The following SORCS1 variants were observed in gnomAD, a reference collection of about 807,000 sequenced individuals.
SORCS1 encodes VPS10 domain-containing receptor SorCS1.
Under a neutral mutation model 146.1 loss-of-function variants are expected in SORCS1, and 60 were observed. The observed-to-expected ratio is 0.41, with a 90% CI of 0.33 to 0.51. The LOEUF (loss-of-function observed/expected upper bound fraction) is 0.51, where lower values mean the gene tolerates loss of function less well. Ranked by LOEUF, SORCS1 falls within the 20% of genes least tolerant of loss-of-function variation. SORCS1 has a pLI of 0.21. For synonymous variants in SORCS1, 637 were observed against 584.0 expected (o/e 1.09, Z -1.31); for missense variants, 1,352 against 1,487.6 (o/e 0.91, Z 1.50).
intron 1 of SORCS1, among the ~76,000 whole-genome samples, chr10:107,032,310 T>C (rs77911234): frequency 6.6e-6 from 1 of 152,242 alleles, no homozygotes; most frequent in Admixed American, 6.5e-5. Flanking sequence ...AGGCATGGCA[T>C]GGATCAAAAG....
At chr10:107,009,499 AAATAG>A (rs1251244309) in intron 1 of SORCS1, among the ~76,000 whole-genome samples, 5 of 152,214 alleles carry the variant, frequency 3.3e-5, no homozygotes, top group South Asian at 2.1e-4. Flanking sequence ...TTTCTCCTTA[AAATAG>A]AATATAGTTT....
intron 3 of SORCS1, among the ~76,000 whole-genome samples, chr10:106,828,683 G>T (rs981932187): frequency 6.6e-6 from 1 of 152,046 alleles, no homozygotes; most frequent in Non-Finnish European, 1.5e-5. Context: ...CTTAACAATC[G>T]TATGTCAGAA....
rs1851992151 is a variant in SORCS1 at position 106,675,940 on chromosome 10, T to C, written c.1833-784A>G. ...AGTGGAACCCTCATCAGACACTGAA[T>C]CTGCCAGCATTTTGATACTGGACAT... On this transcript the variant is annotated intron_variant, in intron 13 of 25. Transcript: ENST00000263054. Among the ~76,000 whole-genome samples the C allele has an allele frequency of 2.0e-5, 3 of 152,202 alleles. No homozygotes were observed. The South Asian group carries it at 6.2e-4, about 32-fold the overall frequency.
At chr10:106,969,855 T>G (rs1337396089) in intron 1 of SORCS1, among the ~76,000 whole-genome samples, 1 of 152,184 alleles carries the variant, frequency 6.6e-6, no homozygotes, top group Admixed American at 6.5e-5. Flanking sequence ...TAAGCTTCAT[T>G]AGCTTCACTG....
At chr10:106,818,480 C>T (rs1394213407) in intron 3 of SORCS1, among the ~76,000 whole-genome samples, 2 of 151,954 alleles carry the variant, frequency 1.3e-5, no homozygotes, top group Non-Finnish European at 2.9e-5. Context: ...ATCCTCCTGC[C>T]TCAGCCTCCC....
intron 1 of SORCS1, among the ~76,000 whole-genome samples, chr10:107,090,391 T>C (rs1964100327): frequency 6.6e-6 from 1 of 152,204 alleles, no homozygotes. Flanking sequence ...TTTTGAGCAT[T>C]GTCCCTGTAG....
intron 24 of SORCS1, among the ~76,000 whole-genome samples, chr10:106,588,517 C>T (rs2133250937): frequency 6.6e-6 from 1 of 151,962 alleles, no homozygotes; most frequent in African/African-American, 2.4e-5. Flanking sequence ...TTGTTAAGAC[C>T]AGTGAAGAGG....
intron 1 of SORCS1, among the ~76,000 whole-genome samples, chr10:107,004,033 G>A (rs562316356): frequency 1.3e-5 from 2 of 152,126 alleles, no homozygotes; most frequent in South Asian, 2.1e-4. Context: ...AAATTAGCCA[G>A]GCGTGGTGGC....
chr10:106,627,075 T>C (rs926897094), intron 19 of SORCS1, among the ~76,000 whole-genome samples: 1 of 152,224 alleles, frequency 6.6e-6, no homozygotes, highest in Non-Finnish European at 1.5e-5. Flanking sequence ...TCCGCAGCCC[T>C]TAATCTTAAG....
intron 23 of SORCS1, among the ~76,000 whole-genome samples, chr10:106,604,937 T>TAACCCAGCCC: frequency 2.0e-5 from 3 of 152,274 alleles, no homozygotes; most frequent in Admixed American, 6.5e-5. Flanking sequence ...AGTGTGACTT[T>TAACCCAGCCC]GGCTCAATTA....
intron 3 of SORCS1, among the ~76,000 whole-genome samples, chr10:106,786,452 T>G (rs1946058287): frequency 6.6e-6 from 1 of 152,164 alleles, no homozygotes; most frequent in Non-Finnish European, 1.5e-5. Flanking sequence ...TCATAATAGT[T>G]GAATTTCTTA....
intron 1 of SORCS1, among the ~76,000 whole-genome samples, chr10:107,059,010 A>C (rs1960913828): frequency 6.6e-6 from 1 of 152,234 alleles, no homozygotes; most frequent in Non-Finnish European, 1.5e-5. Context: ...TCACGTGCTA[A>C]AACTCTTCCC....
intron 2 of SORCS1, among the ~76,000 whole-genome samples, chr10:106,866,856 T>C (rs1950237656): frequency 6.6e-6 from 1 of 151,848 alleles, no homozygotes; most frequent in African/African-American, 2.4e-5. Context: ...TGACTGTACT[T>C]AATCTACACT....
At chr10:107,105,919 A>G (rs984228364) in intron 1 of SORCS1, among the ~76,000 whole-genome samples, 1 of 152,206 alleles carries the variant, frequency 6.6e-6, no homozygotes, top group African/African-American at 2.4e-5. Flanking sequence ...ATCAGGAAGG[A>G]AAGGGTAATT....
chr10:107,094,175 G>A (rs1008029669), intron 1 of SORCS1, among the ~76,000 whole-genome samples: 6 of 151,794 alleles, frequency 4.0e-5, no homozygotes, highest in South Asian at 2.1e-4. Flanking sequence ...ATCTATGAAG[G>A]CAAACATTTT....
At chr10:106,722,120 T>TACAC (rs140882766) in intron 6 of SORCS1, among the ~76,000 whole-genome samples, 1,588 of 144,300 alleles carry the variant, frequency 0.011, 16 homozygotes, top group East Asian at 0.017. Flanking sequence ...AATATATAAA[T>TACAC]ACACACACAC....
intron 3 of SORCS1, among the ~76,000 whole-genome samples, chr10:106,780,991 T>A (rs1462371918): frequency 1.3e-5 from 2 of 150,268 alleles, no homozygotes; most frequent in African/African-American, 4.9e-5. Context: ...TTTTTTTTTT[T>A]GGTATTAGTC....
intron 2 of SORCS1, among the ~76,000 whole-genome samples, chr10:106,941,707 A>G (rs1954050085): frequency 6.6e-6 from 1 of 152,236 alleles, no homozygotes; most frequent in Non-Finnish European, 1.5e-5. Context: ...TAAAAAATAT[A>G]TTTTTAACTA....
At chr10:106,635,009 A>AACCC (rs1198835584) in intron 18 of SORCS1, among the ~76,000 whole-genome samples, 2 of 152,224 alleles carry the variant, frequency 1.3e-5, no homozygotes, top group Admixed American at 1.3e-4. Context: ...AAAGGCACAA[A>AACCC]ACCCACATGA....
Sources: allele counts gnomAD v4.1 joint callset (sites outside exome capture counted in the v4.1 genomes callset), GRCh38; gene constraint gnomAD v4.1.1; transcripts MANE v1.5; gene names NCBI Gene and HGNC (gene_info 2026-07-23, HGNC 2026-07-21).